Variants in SMAP1 observed in about 807,000 individuals in gnomAD.
SMAP1 encodes stromal membrane-associated protein 1.
SMAP1 carries 24 observed loss-of-function variants against 58.5 expected under a neutral mutation model. That is an observed-to-expected ratio of 0.41 (90% CI 0.30 to 0.58). SMAP1 has a LOEUF of 0.58. SMAP1 is among the 20% of genes least tolerant of loss of function. The pLI is 0.29. For missense variants in SMAP1, 563 were observed against 566.3 expected (o/e 0.99, Z 0.06); for synonymous variants, 216 against 196.6 (o/e 1.10, Z -0.82).
intron 2 of SMAP1, among the ~76,000 whole-genome samples, chr6:70,750,252 ACT>A (rs1582110743): frequency 1.3e-5 from 2 of 152,164 alleles, no homozygotes; most frequent in African/African-American, 4.8e-5. Context: ...TATTTACAGT[ACT>A]GTTAAAAATG....
intron 1 of SMAP1, among the ~76,000 whole-genome samples, chr6:70,724,752 G>A (rs888792767): frequency 6.6e-6 from 1 of 152,028 alleles, no homozygotes; most frequent in Non-Finnish European, 1.5e-5. Context: ...ACATGAACGT[G>A]ACACAGATAA....
At chr6:70,673,630 C>T (rs1268860216) in intron 1 of SMAP1, among the ~76,000 whole-genome samples, 1 of 152,204 alleles carries the variant, frequency 6.6e-6, no homozygotes, top group Non-Finnish European at 1.5e-5. Context: ...GATGTTGATG[C>T]TTATAGGACA....
chr6:70,827,458 T>C (rs1037453007), intron 6 of SMAP1, among the ~76,000 whole-genome samples: 1 of 152,208 alleles, frequency 6.6e-6, no homozygotes, highest in African/African-American at 2.4e-5. Context: ...TTGGAGAAGG[T>C]CAGCTCCACA....
chr6:70,827,632 AT>A (rs1770190194), intron 6 of SMAP1, among the ~76,000 whole-genome samples: 2 of 152,230 alleles, frequency 1.3e-5, no homozygotes, highest in Non-Finnish European at 1.5e-5. Flanking sequence ...ACACTGGAAG[AT>A]TTTCTTACAG....
rs187861857 is a variant in SMAP1 at position 70,733,216 on chromosome 6, A to T, written c.252+705A>T. Among the ~76,000 whole-genome samples the T allele has an allele frequency of 1.2e-4, 18 of 152,346 alleles. No homozygotes were observed. The East Asian group carries it at 3.5e-3, about 29-fold the overall frequency. On this transcript the variant is annotated intron_variant, in intron 2 of 10. Coordinates refer to ENST00000370455, the MANE Select transcript of SMAP1 (RefSeq NM_001044305.3). The stretch of plus-strand genomic sequence containing the variant: ...TCACTATGAAGTGCTAAATACATAA[A>T]TATATGTGGTTGAGACTCAGTGATA...
At chr6:70,806,587 G>A (rs1256693600) in intron 6 of SMAP1, among the ~76,000 whole-genome samples, 2 of 152,154 alleles carry the variant, frequency 1.3e-5, no homozygotes, top group Admixed American at 6.6e-5. Context: ...CTTCTGCGTC[G>A]ATCATGCTAG....
At chr6:70,745,651 A>C (rs982983204) in intron 2 of SMAP1, among the ~76,000 whole-genome samples, 1 of 152,196 alleles carries the variant, frequency 6.6e-6, no homozygotes, top group Non-Finnish European at 1.5e-5. Context: ...TGTCTTGGCA[A>C]TGTGGGCTCT....
chr6:70,723,092 CTTTA>C lies in SMAP1; in HGVS notation c.119-9284_119-9281del, dbSNP rs1247526883. On this transcript the variant is annotated intron_variant, in intron 1 of 10. Coordinates refer to ENST00000370455, the MANE Select transcript of SMAP1 (RefSeq NM_001044305.3). ...ATTTTATAGGGATGTAAAAGTGGCC[CTTTA>C]TAGACTCTTTTGTTTGTTTGTTTGG... Among the ~76,000 whole-genome samples, 9 of 152,264 alleles carry C rather than the reference CTTTA, an allele frequency of 5.9e-5. No individual in the cohort carries two copies. In the South Asian group the frequency reaches 1.9e-3, roughly 32 times the overall value.
At chr6:70,694,273 T>G (rs1767308537) in intron 1 of SMAP1, 1 of 187,700 alleles carries the variant, frequency 5.3e-6, no homozygotes, top group Non-Finnish European at 1.1e-5. Context: ...CTCTTCATAC[T>G]GTGTTGCAGC....
At chr6:70,677,180 A>ATTTT (rs78899089) in intron 1 of SMAP1, among the ~76,000 whole-genome samples, 1 of 134,800 alleles carries the variant, frequency 7.4e-6, no homozygotes, top group African/African-American at 2.7e-5. Context: ...TATATATATA[A>ATTTT]TTTTTTTTTT....
chr6:70,688,199 C>A lies in SMAP1; in HGVS notation c.118+20058C>A, dbSNP rs573513701. ...TTGTGCCATAGTTTGTTTAACCATT[C>A]ATCTGTTGAAGGACCTCTGGACTGT... On this transcript the variant is annotated intron_variant, in intron 1 of 10. Transcript: ENST00000370455. Among the ~76,000 whole-genome samples the A allele has an allele frequency of 3.9e-5, 6 of 152,254 alleles. No homozygotes were observed. In the South Asian group the frequency reaches 1.2e-3, roughly 32 times the overall value.
intron 1 of SMAP1, among the ~76,000 whole-genome samples, chr6:70,684,249 G>C (rs118170463): frequency 9.2e-5 from 14 of 152,164 alleles, no homozygotes; most frequent in African/African-American, 3.1e-4. Flanking sequence ...TGTAAATAGC[G>C]TGGAAATAAG....
intron 1 of SMAP1, among the ~76,000 whole-genome samples, chr6:70,669,784 G>T (rs1002045003): frequency 1.5e-4 from 23 of 152,112 alleles, no homozygotes; most frequent in Non-Finnish European, 2.9e-5. Context: ...ATTAAAAGTC[G>T]AATAGTAACA....
chr6:70,767,332 T>C (rs1436999932), intron 3 of SMAP1, among the ~76,000 whole-genome samples: 1 of 152,178 alleles, frequency 6.6e-6, no homozygotes, highest in Non-Finnish European at 1.5e-5. Context: ...ATAAATTACC[T>C]TGGGCAGTAT....
intron 3 of SMAP1, among the ~76,000 whole-genome samples, chr6:70,757,651 A>G (rs1371509087): frequency 1.6e-4 from 24 of 152,170 alleles, no homozygotes; most frequent in African/African-American, 5.8e-4. Flanking sequence ...AGAATCTACA[A>G]TGAACTCAAA....
At chr6:70,713,748 T>C (rs1413270996) in intron 1 of SMAP1, among the ~76,000 whole-genome samples, 1 of 152,210 alleles carries the variant, frequency 6.6e-6, no homozygotes, top group East Asian at 1.9e-4. Context: ...TATAGGCTTG[T>C]CAAGTTTATT....
chr6:70,825,727 A>G (rs901090823), intron 6 of SMAP1, among the ~76,000 whole-genome samples: 3 of 152,166 alleles, frequency 2.0e-5, no homozygotes, highest in Admixed American at 6.5e-5. Flanking sequence ...GGGTATTTCA[A>G]ATTGGATACT....
At chr6:70,772,756 G>C (rs1001412743) in intron 3 of SMAP1, among the ~76,000 whole-genome samples, 2 of 152,102 alleles carry the variant, frequency 1.3e-5, no homozygotes, top group East Asian at 1.9e-4. Context: ...GGATAAAATT[G>C]GCCACTGTTC....
chr6:70,834,234 G>C (rs1182201713), intron 6 of SMAP1, among the ~76,000 whole-genome samples: 1 of 151,968 alleles, frequency 6.6e-6, no homozygotes, highest in African/African-American at 2.4e-5. Context: ...GTTTCTATTT[G>C]AATTTTTAAA....
Sources: allele counts gnomAD v4.1 joint callset (sites outside exome capture counted in the v4.1 genomes callset), GRCh38; gene constraint gnomAD v4.1.1; transcripts MANE v1.5; gene names NCBI Gene and HGNC (gene_info 2026-07-23, HGNC 2026-07-21).